The following CRPPA variants were observed in gnomAD, a reference collection of about 807,000 sequenced individuals.
The protein encoded by CRPPA is CDP-L-ribitol pyrophosphorylase A.
Under a neutral mutation model 52.0 loss-of-function variants are expected in CRPPA, and 43 were observed. That is an observed-to-expected ratio of 0.83 (90% CI 0.65 to 1.07). CRPPA has a LOEUF of 1.07. Ranked by LOEUF, CRPPA falls within the 50% of genes least tolerant of loss-of-function variation. The pLI, the probability that CRPPA is intolerant of heterozygous loss-of-function variation, is 0.00. For synonymous variants in CRPPA, 250 were observed against 203.5 expected, an observed-to-expected ratio of 1.23 and a Z score of -1.94; for missense variants, 629 against 551.7, an observed-to-expected ratio of 1.14 and a Z score of -1.40.
At chr7:16,211,938 A>G (rs964600400) in intron 9 of CRPPA, among the ~76,000 whole-genome samples, 2 of 152,238 alleles carry the variant, frequency 1.3e-5, no homozygotes, top group Non-Finnish European at 2.9e-5. Flanking sequence ...CTTGTGATAC[A>G]AGACCAATAC....
At chr7:16,159,678 T>C (rs963797766) in intron 9 of CRPPA, among the ~76,000 whole-genome samples, 2 of 152,250 alleles carry the variant, frequency 1.3e-5, no homozygotes, top group African/African-American at 2.4e-5. Context: ...TAAGTATGCA[T>C]GTGTCTTCAT....
At chr7:16,291,001 A>C (rs1043657621) in intron 5 of CRPPA, among the ~76,000 whole-genome samples, 2 of 152,100 alleles carry the variant, frequency 1.3e-5, no homozygotes, top group Non-Finnish European at 2.9e-5. Context: ...GATGACACAC[A>C]AACGGCCAAC....
intron 5 of CRPPA, among the ~76,000 whole-genome samples, chr7:16,292,977 G>A (rs1405773719): frequency 2.0e-5 from 3 of 151,832 alleles, no homozygotes; most frequent in East Asian, 1.9e-4. Flanking sequence ...ACAGTAATAC[G>A]TAAAGTTTCT....
intron 9 of CRPPA, among the ~76,000 whole-genome samples, chr7:16,177,468 T>C (rs1178547414): frequency 6.6e-6 from 1 of 152,078 alleles, no homozygotes; most frequent in Non-Finnish European, 1.5e-5. Context: ...GATCAGATAA[T>C]CAGGTAGGAC....
intron 8 of CRPPA, among the ~76,000 whole-genome samples, chr7:16,257,592 A>G (rs1240693975): frequency 6.6e-6 from 1 of 152,118 alleles, no homozygotes; most frequent in African/African-American, 2.4e-5. Flanking sequence ...ATTGCAAATT[A>G]TCTTTATTCT....
chr7:16,216,490 C>A (rs554623497), intron 8 of CRPPA: 7 of 262,426 alleles, frequency 2.7e-5, no homozygotes, highest in Admixed American at 1.5e-4. Context: ...GCGTGAGCGA[C>A]GCAGAAGACG....
intron 3 of CRPPA, among the ~76,000 whole-genome samples, chr7:16,339,084 C>T (rs913440292): frequency 1.3e-5 from 2 of 152,014 alleles, no homozygotes; most frequent in African/African-American, 2.4e-5. Context: ...GGATTACAGG[C>T]GTGAGCCACC....
intron 3 of CRPPA, among the ~76,000 whole-genome samples, chr7:16,310,361 A>T (rs1785007949): frequency 6.6e-6 from 1 of 152,150 alleles, no homozygotes; most frequent in African/African-American, 2.4e-5. Context: ...AGAAACACAC[A>T]GTCAACACGC....
At position 16,198,787 on chromosome 7, in the gene CRPPA, A is replaced by G. The variant is rs375160810; in HGVS notation, c.1251+17279T>C. Among the ~76,000 whole-genome samples, 84 of 151,344 alleles carry G rather than the reference A, an allele frequency of 5.6e-4. 1 individual carries two copies. The highest frequency in any genetic ancestry group is 1.9e-3 in the African/African-American group (79 of 41,170). Reference sequence around the variant, plus strand: ...TAGCTAATCTTAAACTCCTGGGCTCACGCAATCCTTCCTGCCTCTGCCTCT... The same window carrying G: ...TAGCTAATCTTAAACTCCTGGGCTCGCGCAATCCTTCCTGCCTCTGCCTCT... On this transcript the variant is annotated intron_variant, in intron 9 of 9. Transcript: ENST00000407010.
At chr7:16,354,699 A>G (rs1489891245) in intron 3 of CRPPA, among the ~76,000 whole-genome samples, 4 of 152,182 alleles carry the variant, frequency 2.6e-5, no homozygotes, top group Non-Finnish European at 4.4e-5. Flanking sequence ...AACTGTGGCT[A>G]AGAAAAGGGT....
chr7:16,342,749 GAACC>G (rs1235515642), intron 3 of CRPPA, among the ~76,000 whole-genome samples: 59,106 of 100,866 alleles, frequency 0.59, 14,233 homozygotes, highest in South Asian at 0.67. Flanking sequence ...GCAACAGGAT[GAACC>G]CTGTCTCCAC....
chr7:16,411,905 A>T (rs1445132343), intron 1 of CRPPA, among the ~76,000 whole-genome samples: 1 of 152,202 alleles, frequency 6.6e-6, no homozygotes, highest in East Asian at 1.9e-4. Flanking sequence ...AAATGGTTAA[A>T]CTTTTAAGGA....
chr7:16,137,497 T>C (rs899329541), intron 9 of CRPPA, among the ~76,000 whole-genome samples: 1 of 152,164 alleles, frequency 6.6e-6, no homozygotes, highest in Admixed American at 6.5e-5. Context: ...AAAAATGGGC[T>C]CATGTATTAA....
intron 8 of CRPPA, among the ~76,000 whole-genome samples, chr7:16,232,852 A>G (rs888161731): frequency 1.3e-5 from 2 of 152,166 alleles, no homozygotes; most frequent in African/African-American, 4.8e-5. Flanking sequence ...AGCAGAAAAT[A>G]TGGCCGATTA....
chr7:16,222,445 TAA>T (rs1243310950), intron 8 of CRPPA, among the ~76,000 whole-genome samples: 4,525 of 140,178 alleles, frequency 0.032, 222 homozygotes, highest in African/African-American at 0.11. Context: ...AAAGTATAAT[TAA>T]AAAAAAAAAA....
intron 9 of CRPPA, among the ~76,000 whole-genome samples, chr7:16,099,531 G>C (rs1165615031): frequency 2.0e-5 from 3 of 151,636 alleles, no homozygotes; most frequent in Non-Finnish European, 4.4e-5. Flanking sequence ...AAGGAGAAGG[G>C]AAGGGAAAGG....
intron 8 of CRPPA, among the ~76,000 whole-genome samples, chr7:16,243,451 A>G (rs1046786776): frequency 6.6e-6 from 1 of 152,206 alleles, no homozygotes; most frequent in Non-Finnish European, 1.5e-5. Context: ...CTAGCAAAAC[A>G]TAAGTATTTT....
intron 3 of CRPPA, among the ~76,000 whole-genome samples, chr7:16,311,524 G>A (rs1358015727): frequency 1.3e-5 from 2 of 152,036 alleles, no homozygotes; most frequent in African/African-American, 2.4e-5. Context: ...TTTTAGGAGT[G>A]AATAATATTT....
At chr7:16,174,775 T>C (rs1004983147) in intron 9 of CRPPA, among the ~76,000 whole-genome samples, 2 of 152,170 alleles carry the variant, frequency 1.3e-5, no homozygotes, top group Non-Finnish European at 2.9e-5. Flanking sequence ...CTGAATTATT[T>C]AGAAGAATTA....
Sources: gnomAD v4.1 joint callset for allele counts (sites outside exome capture counted in the v4.1 genomes callset) on GRCh38, gnomAD v4.1.1 for gene constraint, MANE v1.5 for transcripts, NCBI Gene and HGNC (gene_info 2026-07-23, HGNC 2026-07-21) for gene names.